PXT1: variants seen among roughly 807,000 people sequenced by gnomAD.
The protein encoded by PXT1 is peroxisomal testis-specific protein 1.
Under a neutral mutation model 11.0 loss-of-function variants are expected in PXT1, and 11 were observed. That is an observed-to-expected ratio of 1.00 (90% CI 0.63 to 1.66). The LOEUF (loss-of-function observed/expected upper bound fraction) is 1.66, where lower values mean the gene tolerates loss of function less well. PXT1 is among the 40% of genes most tolerant of loss of function. PXT1 has a pLI of 0.00. For synonymous variants in PXT1, 43 were observed against 51.4 expected (o/e 0.84, Z 0.70); for missense variants, 141 against 155.5 (o/e 0.91, Z 0.49).
chr6:36,416,185 G>GAA (rs1582260906), intron 3 of PXT1, among the ~76,000 whole-genome samples: 1 of 150,352 alleles, frequency 6.7e-6, no homozygotes. Flanking sequence ...AAAAAGAAAA[G>GAA]AAAAGAAAAG....
At chr6:36,437,197 G>A (rs1774777306) in intron 2 of PXT1, among the ~76,000 whole-genome samples, 1 of 152,094 alleles carries the variant, frequency 6.6e-6, no homozygotes, top group Non-Finnish European at 1.5e-5. Context: ...TAAGGCAGGA[G>A]AATCGCTTGA....
intron 2 of PXT1, among the ~76,000 whole-genome samples, chr6:36,430,154 G>A (rs186680824): frequency 7.3e-4 from 111 of 151,840 alleles, no homozygotes; most frequent in Middle Eastern, 3.4e-3. Context: ...TTGCAGTGGG[G>A]TGAGATCGCA....
intron 2 of PXT1, among the ~76,000 whole-genome samples, chr6:36,436,113 C>A (rs1186004004): frequency 2.3e-3 from 137 of 59,988 alleles, no homozygotes; most frequent in African/African-American, 4.7e-3. Flanking sequence ...AAAAGTAAGC[C>A]AAAAAAAAAA....
At position 36,391,277 on chromosome 6, in the gene PXT1, A is replaced by G. The variant is rs1774062383; in HGVS notation, c.*493T>C. On this transcript the variant is annotated 3_prime_UTR_variant, in exon 5 of 5. Coordinates refer to ENST00000454782, the MANE Select transcript of PXT1 (RefSeq NM_152990.4). ...GGTTGGAGCCAGGATTGGGGCAGGG[A>G]GGTGACATGTCACCGAGAAGGAGAA... The G allele has an allele frequency of 1.3e-5, 2 of 155,690 alleles. No homozygotes were observed. The highest frequency in any genetic ancestry group is 1.3e-4 in the Admixed American group (2 of 15,350). The allele number at this position is 155,690 out of a possible 1,614,324, so 9.6% of individuals were successfully genotyped here. A position where few individuals can be genotyped will look rare whatever the true frequency, so the allele number is the denominator to read the frequency against.
intron 4 of PXT1, among the ~76,000 whole-genome samples, chr6:36,395,368 A>C (rs1774128607): frequency 6.6e-6 from 1 of 152,148 alleles, no homozygotes; most frequent in South Asian, 2.1e-4. Context: ...ACAGAGTACA[A>C]AAGGTAAATA....
intron 4 of PXT1, among the ~76,000 whole-genome samples, chr6:36,397,197 T>G (rs988148203): frequency 6.6e-6 from 1 of 152,334 alleles, no homozygotes; most frequent in East Asian, 1.9e-4. Flanking sequence ...AAAGATGCCA[T>G]GGCCACAGAG....
At chr6:36,407,351 G>A (rs1774305768) in intron 3 of PXT1, among the ~76,000 whole-genome samples, 1 of 151,836 alleles carries the variant, frequency 6.6e-6, no homozygotes, top group South Asian at 2.1e-4. Context: ...ATATATTGGA[G>A]GCAAAAAAAT....
At chr6:36,436,114 A>AAAAAAAAAAAAAAAAAAAAAAAC (rs1491483273) in intron 2 of PXT1, among the ~76,000 whole-genome samples, 1 of 6,818 alleles carries the variant, frequency 1.5e-4, no homozygotes, top group Admixed American at 9.0e-4. Context: ...AAAGTAAGCC[A>AAAAAAAAAAAAAAAAAAAAAAAC]AAAAAAAAAA....
chr6:36,405,134 G>A (rs1165326556), intron 3 of PXT1, among the ~76,000 whole-genome samples: 1 of 152,076 alleles, frequency 6.6e-6, no homozygotes, highest in Non-Finnish European at 1.5e-5. Flanking sequence ...TCCTGACCCT[G>A]TGTAGGCCTA....
intron 3 of PXT1, among the ~76,000 whole-genome samples, chr6:36,422,730 G>A (rs950874317): frequency 1.3e-5 from 2 of 152,138 alleles, no homozygotes. Context: ...CAAAAGCAAA[G>A]CTTCCAAGCA....
intron 2 of PXT1, among the ~76,000 whole-genome samples, chr6:36,432,120 T>C (rs1644651501): frequency 6.6e-6 from 1 of 151,998 alleles, no homozygotes; most frequent in Admixed American, 6.6e-5. Context: ...TAGATAGATA[T>C]AATATATCAT....
intron 3 of PXT1, among the ~76,000 whole-genome samples, chr6:36,420,345 T>TA (rs1422533848): frequency 6.6e-6 from 1 of 152,220 alleles, no homozygotes. Context: ...TATGCCACTG[T>TA]AAAAAACAAT....
intron 2 of PXT1, among the ~76,000 whole-genome samples, chr6:36,437,347 A>T (rs1035105667): frequency 6.6e-6 from 1 of 151,886 alleles, no homozygotes; most frequent in Non-Finnish European, 1.5e-5. Flanking sequence ...GGTATGTCAG[A>T]CCTCCTCCAA....
At chr6:36,397,179 CT>C (rs948034198) in intron 4 of PXT1, among the ~76,000 whole-genome samples, 3 of 152,194 alleles carry the variant, frequency 2.0e-5, no homozygotes, top group Non-Finnish European at 4.4e-5. Context: ...AGGAAAAGAA[CT>C]TGGGCAAAAG....
intron 3 of PXT1, among the ~76,000 whole-genome samples, chr6:36,424,620 C>G (rs914677839): frequency 1.1e-4 from 17 of 152,276 alleles, no homozygotes; most frequent in African/African-American, 4.1e-4. Flanking sequence ...GCCTGGGTGA[C>G]AGTGCGAGAC....
intron 3 of PXT1, among the ~76,000 whole-genome samples, chr6:36,417,561 T>C (rs9368930): frequency 0.47 from 65,069 of 138,128 alleles, 15,555 homozygotes; most frequent in Middle Eastern, 0.58. Context: ...TTCGGACTAG[T>C]CTGGGCAACA....
At chr6:36,436,482 T>C (rs1317975954) in intron 2 of PXT1, among the ~76,000 whole-genome samples, 1 of 152,198 alleles carries the variant, frequency 6.6e-6, no homozygotes, top group African/African-American at 2.4e-5. Context: ...ATGCCAGGGT[T>C]TTGATGATTC....
At chr6:36,401,522 T>C (rs959812725) in intron 3 of PXT1, among the ~76,000 whole-genome samples, 5 of 150,616 alleles carry the variant, frequency 3.3e-5, no homozygotes, top group Admixed American at 1.3e-4. Context: ...GAAGCTGACA[T>C]GGGAGAATTG....
intron 2 of PXT1, among the ~76,000 whole-genome samples, chr6:36,438,164 G>C (rs1774795089): frequency 6.6e-6 from 1 of 151,820 alleles, no homozygotes; most frequent in Non-Finnish European, 1.5e-5. Flanking sequence ...ATCTTTTGTT[G>C]GAGTTTCAGT....
Sources: gnomAD v4.1 joint callset for allele counts (sites outside exome capture counted in the v4.1 genomes callset) on GRCh38, gnomAD v4.1.1 for gene constraint, MANE v1.5 for transcripts, NCBI Gene and HGNC (gene_info 2026-07-23, HGNC 2026-07-21) for gene names.